PTBP3: variants seen among roughly 807,000 people sequenced by gnomAD.
PTBP3 encodes the protein polypyrimidine tract-binding protein 3.
A neutral mutation model predicts 58.7 loss-of-function variants in PTBP3; 20 were observed. That is an observed-to-expected ratio of 0.34 (90% confidence interval 0.24 to 0.50). The LOEUF is 0.50. PTBP3 is among the 20% of genes least tolerant of loss of function. PTBP3 has a pLI of 0.98. For synonymous variants in PTBP3, 185 were observed against 219.8 expected (o/e 0.84, Z 1.40); for missense variants, 509 against 637.2 (o/e 0.80, Z 2.17).
At chr9:112,288,482 A>G (rs1224250267) in intron 2 of PTBP3, among the ~76,000 whole-genome samples, 1 of 152,104 alleles carries the variant, frequency 6.6e-6, no homozygotes, top group Non-Finnish European at 1.5e-5. Context: ...TGTTTCTTCA[A>G]CTCAGCAATT....
At chr9:112,375,378 AC>A in the PTBP3 span, among the ~76,000 whole-genome samples, 1 of 152,222 alleles carries the variant, frequency 6.6e-6, no homozygotes, top group Admixed American at 6.5e-5. Context: ...ATCCAGGTGC[AC>A]TGCTGGAAGT....
At chr9:112,366,896 A>T in the PTBP3 span, among the ~76,000 whole-genome samples, 1 of 152,094 alleles carries the variant, frequency 6.6e-6, no homozygotes, top group Non-Finnish European at 1.5e-5. Context: ...GGGGGGCTAT[A>T]CCCTGTAAAG....
chr9:112,306,315 C>T (rs1829206636), intron 1 of PTBP3, among the ~76,000 whole-genome samples: 1 of 151,898 alleles, frequency 6.6e-6, no homozygotes, highest in Non-Finnish European at 1.5e-5. Flanking sequence ...CAGATGCACA[C>T]CACCATGCCC....
chr9:112,230,965 C>CAATAATAAAATAGCAAAAAT (rs1835176306), intron 10 of PTBP3, among the ~76,000 whole-genome samples: 1 of 141,522 alleles, frequency 7.1e-6, no homozygotes, highest in African/African-American at 3.1e-5. Flanking sequence ...TTTGACCCTA[C>CAATAATAAAATAGCAAAAAT]GCAGCTGTCC....
intron 2 of PTBP3, among the ~76,000 whole-genome samples, chr9:112,293,193 T>C (rs1441773862): frequency 2.6e-5 from 4 of 152,144 alleles, no homozygotes; most frequent in Admixed American, 1.3e-4. Context: ...AACTAACTTA[T>C]GATGTTAGAA....
Position 112,234,746 on chromosome 9 carries a change from C to A in PTBP3, c.880+74G>T, listed in dbSNP as rs73535712. 3.1e-4 allele frequency: 421 copies of A among 1,366,888 alleles called. 2 individuals are homozygous for A. The African/African-American group carries it at 5.4e-3, about 17-fold the overall frequency. 84.7% of individuals were successfully genotyped at this position (1,366,888 alleles called of 1,614,324 possible). A position where few individuals can be genotyped will look rare whatever the true frequency, so the allele number is the denominator to read the frequency against. ...TAAATTCTTCAAATATGATAACATT[C>A]TTCATCTTGGTAAGTTCCTAGAAAA... is the stretch of plus-strand genomic sequence containing the variant. On this transcript the variant is annotated intron_variant, in intron 8 of 13. Coordinates refer to ENST00000374257, the MANE Select transcript of PTBP3 (RefSeq NM_001163788.4).
intron 1 of PTBP3, among the ~76,000 whole-genome samples, chr9:112,316,338 C>T (rs1013079109): frequency 6.6e-6 from 1 of 152,206 alleles, no homozygotes; most frequent in Admixed American, 6.5e-5. Flanking sequence ...CATACTCTCT[C>T]ACTCTCTTTT....
chr9:112,298,476 T>C, intron 1 of PTBP3: 1 of 462,658 alleles, frequency 2.2e-6, no homozygotes, highest in Non-Finnish European at 4.2e-6. Context: ...AACTTCCAAA[T>C]CTGAACTGGC....
intron 7 of PTBP3, among the ~76,000 whole-genome samples, chr9:112,238,249 C>T (rs10817297): frequency 0.26 from 39,999 of 151,984 alleles, 6,579 homozygotes; most frequent in South Asian, 0.4. Flanking sequence ...GTACAGGAGA[C>T]ACTTTTTAAA....
Position 112,276,011 on chromosome 9 carries a change from T to C in PTBP3, c.37A>G (p.Asn13Asp), listed in dbSNP as rs1428382604. 3 of 1,610,190 alleles carry C rather than the reference T, an allele frequency of 1.9e-6. No homozygotes were observed. In the African/African-American group the frequency reaches 4.0e-5, roughly 22 times the overall value. ...TTAAATTTCTTGCTGTCATTCCCAT[T>C]AGCTAAAAAACATAAGATTCTTTTT... ...SSTPSTGVYA[N>D]GNDSKKFKRD... Residue 13 changes from asparagine (N) to aspartate (D), a missense_variant and splice_region_variant, in exon 3 of 14, where the codon AAT becomes GAT. Asn to Asp is a conservative substitution (Grantham distance 23, BLOSUM62 1). Around this residue, in one of 4 missense-constraint regions of PTBP3, gnomAD observed 212 missense variants for 215.3 expected, o/e 0.98. Transcript: ENST00000374257.
chr9:112,241,305 T>C (rs1449940650), intron 7 of PTBP3, among the ~76,000 whole-genome samples: 10 of 152,182 alleles, frequency 6.6e-5, no homozygotes. Flanking sequence ...GGTTTCATCA[T>C]GTTGGCCAGG....
At chr9:112,326,010 CCT>C (rs1830141675) in intron 1 of PTBP3, among the ~76,000 whole-genome samples, 2 of 75,856 alleles carry the variant, frequency 2.6e-5, no homozygotes, top group African/African-American at 1.4e-4. Flanking sequence ...ACAGTGAGAC[CCT>C]GTCTCAAACA....
intron 12 of PTBP3, among the ~76,000 whole-genome samples, chr9:112,224,581 A>C (rs938842092): frequency 6.6e-6 from 1 of 152,234 alleles, no homozygotes; most frequent in African/African-American, 2.4e-5. Flanking sequence ...TGTCTGCTAC[A>C]GTCTGGAGTT....
chr9:112,333,528 C>G lies in PTBP3; in HGVS notation c.-110G>C. 2 of 1,565,686 alleles carry G rather than the reference C, an allele frequency of 1.3e-6. No individual in the cohort carries two copies. Among genetic ancestry groups the G allele is most frequent in the Non-Finnish European group, 1.7e-6 (2 of 1,154,204 alleles). On this transcript the variant is annotated 5_prime_UTR_variant, in exon 1 of 14. Transcript: ENST00000374257. ...CAGGGACTGACGGGCTAACCGCGAG[C>G]AGAGGAAGCAGGCGGCGGCAGCAGG...
At chr9:112,302,036 A>T (rs1330884040) in intron 1 of PTBP3, among the ~76,000 whole-genome samples, 1 of 152,198 alleles carries the variant, frequency 6.6e-6, no homozygotes, top group Non-Finnish European at 1.5e-5. Flanking sequence ...GCTGTTACAG[A>T]TCATCCTCAA....
intron 3 of PTBP3, among the ~76,000 whole-genome samples, chr9:112,270,317 T>C (rs527352244): frequency 4.6e-5 from 7 of 152,212 alleles, no homozygotes; most frequent in Non-Finnish European, 1.0e-4. Context: ...TATGTAAAGG[T>C]ATTTCCTGTA....
At chr9:112,326,662 T>A (rs146437089) in intron 1 of PTBP3, among the ~76,000 whole-genome samples, 1 of 152,252 alleles carries the variant, frequency 6.6e-6, no homozygotes, top group African/African-American at 2.4e-5. Flanking sequence ...ATATTTGATA[T>A]GTAAGACTGT....
chr9:112,228,585 C>T (rs1835081909), intron 10 of PTBP3, 113 bp from the exon 11 acceptor site: 1 of 617,278 alleles, frequency 1.6e-6, no homozygotes, highest in Middle Eastern at 4.5e-4. Context: ...CAATTCCATA[C>T]ATACACCTGC....
chr9:112,222,387 A>T lies in PTBP3; in HGVS notation c.*1464T>A. 1.0e-6 allele frequency: 1 copy of T among 985,740 alleles called. No individual in the cohort carries two copies. Among genetic ancestry groups the T allele is most frequent in the Non-Finnish European group, 1.2e-6 (1 of 829,910 alleles). 61.1% of individuals were successfully genotyped at this position (985,740 alleles called of 1,614,324 possible). A position where few individuals can be genotyped will look rare whatever the true frequency, so the allele number is the denominator to read the frequency against. On this transcript the variant is annotated 3_prime_UTR_variant, in exon 14 of 14. Coordinates refer to ENST00000374257, the MANE Select transcript of PTBP3 (RefSeq NM_001163788.4). The stretch of plus-strand genomic sequence containing the variant: ...TACTCCAAATACGTGGGTACTCAGT[A>T]ATGAAAGTCACATTAACAAAGAAAA...
Sources: allele counts gnomAD v4.1 joint callset (sites outside exome capture counted in the v4.1 genomes callset), GRCh38; gene constraint gnomAD v4.1.1; regional missense constraint gnomAD v4.1.1; transcripts MANE v1.5; gene names NCBI Gene and HGNC (gene_info 2026-07-23, HGNC 2026-07-21).